The following TPRG1 variants were observed in gnomAD, a reference collection of about 807,000 sequenced individuals.
The protein encoded by TPRG1 is tumor protein p63 regulated 1.
Under a neutral mutation model 29.3 loss-of-function variants are expected in TPRG1, and 29 were observed. The observed-to-expected ratio is 0.99, with a 90% CI of 0.74 to 1.35. The LOEUF is 1.35. Among genes scored for constraint, TPRG1 ranks in the 40% most tolerant of loss-of-function variants. The pLI is 0.00. For synonymous variants in TPRG1, 130 were observed against 116.8 expected (o/e 1.11, Z -0.73); for missense variants, 327 against 335.0 (o/e 0.98, Z 0.19).
At chr3:189,172,807 CTG>C (rs1401443543) in intron 1 of TPRG1, among the ~76,000 whole-genome samples, 1 of 152,178 alleles carries the variant, frequency 6.6e-6, no homozygotes, top group Non-Finnish European at 1.5e-5. Context: ...TACTTGGCGC[CTG>C]AGACATCCTC....
At chr3:189,082,620 G>C (rs941542251) in intron 4 of TPRG1, among the ~76,000 whole-genome samples, 1 of 152,124 alleles carries the variant, frequency 6.6e-6, no homozygotes, top group African/African-American at 2.4e-5. Context: ...AACCGAGACA[G>C]GTACTCTCAG....
intron 5 of TPRG1, among the ~76,000 whole-genome samples, chr3:189,161,096 G>C (rs1727414607): frequency 6.6e-6 from 1 of 152,234 alleles, no homozygotes; most frequent in Non-Finnish European, 1.5e-5. Context: ...ACAATCTAGG[G>C]TAATGTGTTC....
intron 4 of TPRG1, among the ~76,000 whole-genome samples, chr3:189,298,725 T>A (rs1720348925): frequency 6.6e-6 from 1 of 152,098 alleles, no homozygotes; most frequent in African/African-American, 2.4e-5. Flanking sequence ...ACCTAGAGGG[T>A]ATGTGTGTGG....
At chr3:189,113,622 C>T (rs982668037) in intron 1 of TPRG1, among the ~76,000 whole-genome samples, 25 of 152,054 alleles carry the variant, frequency 1.6e-4, no homozygotes, top group Non-Finnish European at 3.2e-4. Context: ...TTTTCTGCAT[C>T]TATTGAGATA....
Position 189,238,726 on chromosome 3 carries a change from C to T in TPRG1, c.303-7C>T. 6.3e-7 allele frequency: 1 copy of T among 1,588,854 alleles called. No individual in the cohort carries two copies. On this transcript the variant is annotated splice_polypyrimidine_tract_variant and splice_region_variant and intron_variant, in intron 3 of 5. Coordinates refer to ENST00000345063, the MANE Select transcript of TPRG1 (RefSeq NM_198485.4). ...TCAATTTTTATTTGCTATGATGATT[C>T]CTATAGGATAGACCACTGGAACAAT...
intron 4 of TPRG1, among the ~76,000 whole-genome samples, chr3:189,259,243 T>C (rs1013953138): frequency 6.6e-6 from 1 of 152,004 alleles, no homozygotes; most frequent in Non-Finnish European, 1.5e-5. Flanking sequence ...TTCCCTTGGC[T>C]AGGGGAGGGA....
intron 3 of TPRG1, among the ~76,000 whole-genome samples, chr3:189,215,689 T>TCA (rs1381431834): frequency 6.6e-6 from 1 of 152,104 alleles, no homozygotes; most frequent in Non-Finnish European, 1.5e-5. Context: ...CATTCTAATC[T>TCA]CTTATTTAAA....
chr3:189,303,032 C>T (rs541159396), intron 4 of TPRG1, among the ~76,000 whole-genome samples: 1 of 152,270 alleles, frequency 6.6e-6, no homozygotes, highest in Admixed American at 6.5e-5. Flanking sequence ...AATAGTCTGA[C>T]TCTTCATATA....
At chr3:189,150,780 A>T (rs1193532491) in exon 5 of TPRG1, 6 of 152,176 alleles carry the variant, frequency 3.9e-5, no homozygotes, top group Admixed American at 3.9e-4. Flanking sequence ...GGTGAACACA[A>T]TGCAAGGCTC....
At chr3:189,161,134 G>A (rs747111024) in intron 5 of TPRG1, among the ~76,000 whole-genome samples, 11 of 152,212 alleles carry the variant, frequency 7.2e-5, no homozygotes, top group Non-Finnish European at 1.3e-4. Flanking sequence ...ACTGGTATGT[G>A]ACAGGCATTT....
Position 189,226,987 on chromosome 3 carries a change from A to G in TPRG1, c.302+11604A>G, listed in dbSNP as rs549583843. 2.6e-5 allele frequency among the ~76,000 whole-genome samples: 4 copies of G among 151,964 alleles called. No individual in the cohort carries two copies. The South Asian group carries it at 8.3e-4, about 32-fold the overall frequency. On this transcript the variant is annotated intron_variant, in intron 3 of 5. Coordinates refer to ENST00000345063, the MANE Select transcript of TPRG1 (RefSeq NM_198485.4). ...GAAACAAACCAATTTCGCAAAACACACAAACTATTGCTACTCACTCAACAT... is the reference window on the plus strand; with the variant it reads ...GAAACAAACCAATTTCGCAAAACACGCAAACTATTGCTACTCACTCAACAT...
At chr3:189,109,199 A>T (rs1397689040) in intron 1 of TPRG1, among the ~76,000 whole-genome samples, 1 of 152,144 alleles carries the variant, frequency 6.6e-6, no homozygotes, top group African/African-American at 2.4e-5. Context: ...AAATGGATCA[A>T]TGAAAGATTT....
chr3:189,236,548 T>A (rs1206654572), intron 3 of TPRG1, among the ~76,000 whole-genome samples: 1 of 152,176 alleles, frequency 6.6e-6, no homozygotes, highest in East Asian at 1.9e-4. Flanking sequence ...GAGGTGAGTA[T>A]CCACTGGATG....
chr3:189,196,762 A>G (rs1354691957), intron 1 of TPRG1, among the ~76,000 whole-genome samples: 1 of 152,190 alleles, frequency 6.6e-6, no homozygotes, highest in African/African-American at 2.4e-5. Flanking sequence ...ATTGTTCTGC[A>G]TATTTATGAT....
At chr3:189,177,908 G>A (rs924979789) in intron 1 of TPRG1, among the ~76,000 whole-genome samples, 7 of 152,174 alleles carry the variant, frequency 4.6e-5, no homozygotes, top group Non-Finnish European at 1.0e-4. Context: ...ACCCAGAAGG[G>A]AGATGGAGGA....
intron 1 of TPRG1, among the ~76,000 whole-genome samples, chr3:189,102,844 A>G (rs537512547): frequency 1.2e-4 from 19 of 152,206 alleles, no homozygotes; most frequent in Admixed American, 3.3e-4. Flanking sequence ...ATTTTGCCCA[A>G]TCATGGGGAA....
chr3:189,028,969 C>T lies in TPRG1; in HGVS notation c.-463+5023C>T, dbSNP rs141587146. Among the ~76,000 whole-genome samples, 193 of 151,670 alleles carry T rather than the reference C, an allele frequency of 1.3e-3. 2 individuals are homozygous for T. Among genetic ancestry groups the T allele is most frequent in the Middle Eastern group, 3.4e-3 (1 of 292 alleles). On this transcript the variant is annotated intron_variant, in intron 4 of 10. Coordinates refer to the TPRG1 transcript ENST00000433971. ...AGGGAGGCTAATTTAACTTTCTCCT[C>T]GTCCCCAGTCATGGTCTATTTCCTA...
intron 4 of TPRG1, among the ~76,000 whole-genome samples, chr3:189,149,974 T>G (rs565299402): frequency 6.6e-6 from 1 of 152,362 alleles, no homozygotes; most frequent in South Asian, 2.1e-4. Context: ...TTACTTAGGT[T>G]AATTGTTATT....
chr3:189,323,250 T>G lies in TPRG1; in HGVS notation c.*2430T>G, dbSNP rs1435763158. 6.6e-6 allele frequency: 1 copy of G among 152,112 alleles called. No individual in the cohort carries two copies. The highest frequency in any genetic ancestry group is 1.5e-5 in the Non-Finnish European group (1 of 67,998). The allele number at this position is 152,112 out of a possible 1,614,324, so 9.4% of individuals were successfully genotyped here. On this transcript the variant is annotated 3_prime_UTR_variant, in exon 6 of 6. Coordinates refer to ENST00000345063, the MANE Select transcript of TPRG1 (RefSeq NM_198485.4). ...TAATCTTTTAAGGCCGGTGACCCTA[T>G]CATTTTCCAAATAATTGTTGCTAGT...
Sources: allele counts gnomAD v4.1 joint callset (sites outside exome capture counted in the v4.1 genomes callset), GRCh38; gene constraint gnomAD v4.1.1; transcripts MANE v1.5; gene names NCBI Gene and HGNC (gene_info 2026-07-23, HGNC 2026-07-21).